DSCAML1: variants seen among roughly 807,000 people sequenced by gnomAD.
DSCAML1 encodes DS cell adhesion molecule like 1.
Under a neutral mutation model 200.5 loss-of-function variants are expected in DSCAML1, and 38 were observed. The ratio of observed to expected loss-of-function variants is 0.19; its 90% CI spans 0.15 to 0.25. The LOEUF (loss-of-function observed/expected upper bound fraction) is 0.25, where lower values mean the gene tolerates loss of function less well. DSCAML1 is among the 10% of genes least tolerant of loss of function. The pLI is 1.00. For missense variants in DSCAML1, 2,223 were observed against 2,858.8 expected (o/e 0.78, Z 5.07); for synonymous variants, 1,215 against 1,165.0 (o/e 1.04, Z -0.87).
chr11:117,717,253 G>A (rs1022596039), intron 3 of DSCAML1, among the ~76,000 whole-genome samples: 3 of 151,960 alleles, frequency 2.0e-5, no homozygotes, highest in Admixed American at 6.6e-5. Context: ...CCACCCTACC[G>A]GTCCCCTCCC....
Position 117,521,487 on chromosome 11 carries a change from TG to T in DSCAML1, c.938-83del, listed in dbSNP as rs2049886825. The stretch of plus-strand genomic sequence containing the variant: ...GGGCTTACTGTGAGTGGAGTGTAGC[TG>T]GGGGTAGTTAGGGGTCACAAAAGGC... On this transcript the variant is annotated intron_variant, in intron 5 of 32. Coordinates refer to ENST00000651296, the MANE Select transcript of DSCAML1 (RefSeq NM_020693.4). The T allele has an allele frequency of 4.8e-6, 7 of 1,465,634 alleles. No individual in the cohort carries two copies. In the South Asian group the frequency reaches 7.9e-5, roughly 17 times the overall value. 90.8% of individuals were successfully genotyped at this position (1,465,634 alleles called of 1,614,324 possible). A position where few individuals can be genotyped will look rare whatever the true frequency, so the allele number is the denominator to read the frequency against.
At position 117,797,172 on chromosome 11, in the gene DSCAML1, C is replaced by T. The variant is rs1364913991; in HGVS notation, c.-93G>A. 2 of 1,576,676 alleles carry T rather than the reference C, an allele frequency of 1.3e-6. No homozygotes were observed. The highest frequency in any genetic ancestry group is 1.8e-5 in the Admixed American group (1 of 55,680). On this transcript the variant is annotated 5_prime_UTR_variant, in exon 1 of 33. Transcript: ENST00000651296. The stretch of plus-strand genomic sequence containing the variant: ...CGCTCAGCGCGCTCCCAGCCGCCCG[C>T]ACTCGGCGCCCCGCTCTCTCTGCTC...
intron 3 of DSCAML1, among the ~76,000 whole-genome samples, chr11:117,745,707 A>T (rs903805159): frequency 6.6e-6 from 1 of 152,130 alleles, no homozygotes; most frequent in Non-Finnish European, 1.5e-5. Context: ...CTGCCTCGTT[A>T]TGCTACGTCA....
chr11:117,517,226 C>T (rs141997333), intron 7 of DSCAML1, among the ~76,000 whole-genome samples: 24 of 152,290 alleles, frequency 1.6e-4, no homozygotes, highest in African/African-American at 5.3e-4. Flanking sequence ...GGAAGGTCTT[C>T]GCCAGGTGAG....
chr11:117,811,625 A>G (rs916920753), intron 1 of DSCAML1, among the ~76,000 whole-genome samples: 1 of 152,194 alleles, frequency 6.6e-6, no homozygotes, highest in Admixed American at 6.5e-5. Flanking sequence ...GCCGTGTCCC[A>G]TCTGCGCGGG....
intron 3 of DSCAML1, among the ~76,000 whole-genome samples, chr11:117,766,177 G>A (rs866016262): frequency 3.3e-5 from 5 of 152,164 alleles, no homozygotes; most frequent in Admixed American, 1.3e-4. Context: ...GCACAGAACC[G>A]CAGCACCGTC....
At chr11:117,557,585 T>C (rs1176403992) in intron 3 of DSCAML1, among the ~76,000 whole-genome samples, 5 of 152,262 alleles carry the variant, frequency 3.3e-5, no homozygotes, top group African/African-American at 1.2e-4. Context: ...TTTCACTGTG[T>C]GCAATTTGCA....
intron 8 of DSCAML1, among the ~76,000 whole-genome samples, chr11:117,506,431 T>C (rs567233654): frequency 6.6e-6 from 1 of 152,078 alleles, no homozygotes; most frequent in African/African-American, 2.4e-5. Flanking sequence ...TCATAAGATA[T>C]GACCATGGGA....
intron 5 of DSCAML1, 125 bp downstream of exon 5, chr11:117,524,680 A>G (rs1305484578): frequency 4.1e-6 from 5 of 1,227,836 alleles, no homozygotes; most frequent in African/African-American, 3.1e-5. Flanking sequence ...TGCCTTCCCC[A>G]GTCAGCCAGG....
At chr11:117,699,852 T>C (rs185976255) in intron 3 of DSCAML1, among the ~76,000 whole-genome samples, 3 of 152,328 alleles carry the variant, frequency 2.0e-5, no homozygotes, top group East Asian at 3.9e-4. Context: ...ATGCTGGACA[T>C]ACACATACAC....
rs531712161 is a variant in DSCAML1 at position 117,464,819 on chromosome 11, C to A, written c.3265+123G>T. 23 of 1,444,624 alleles carry A rather than the reference C, an allele frequency of 1.6e-5. No homozygotes were observed. The East Asian group carries it at 5.5e-4, about 35-fold the overall frequency. 89.5% of individuals were successfully genotyped at this position (1,444,624 alleles called of 1,614,324 possible). On this transcript the variant is annotated intron_variant, in intron 17 of 32. Transcript: ENST00000651296. ...AGATGGCGGGGATGCAGGGAGCCTG[C>A]GTGGACCACAGGACCAAAATGGGGC...
At chr11:117,470,386 T>A (rs995512858) in intron 15 of DSCAML1, among the ~76,000 whole-genome samples, 1 of 151,980 alleles carries the variant, frequency 6.6e-6, no homozygotes, top group Non-Finnish European at 1.5e-5. Flanking sequence ...CCATCCTGGC[T>A]AACAGGGTGA....
At chr11:117,706,943 G>A (rs1156900019) in intron 3 of DSCAML1, among the ~76,000 whole-genome samples, 2 of 152,198 alleles carry the variant, frequency 1.3e-5, no homozygotes, top group Admixed American at 1.3e-4. Flanking sequence ...TTCCTAAGCA[G>A]CATCATGTGG....
intron 17 of DSCAML1, 141 bp downstream of exon 17, chr11:117,464,801 G>A (rs515871): frequency 0.071 from 90,999 of 1,285,194 alleles, 3,611 homozygotes; most frequent in Admixed American, 0.079. Flanking sequence ...AGGAGATGGC[G>A]GGGATGCAGG....
chr11:117,628,447 C>T (rs769879019), intron 3 of DSCAML1, among the ~76,000 whole-genome samples: 1 of 152,232 alleles, frequency 6.6e-6, no homozygotes, highest in Non-Finnish European at 1.5e-5. Flanking sequence ...CAGTTTCAGT[C>T]ACGTGCAAAA....
chr11:117,798,308 C>A (rs2055619907), upstream of DSCAML1, among the ~76,000 whole-genome samples: 1 of 152,198 alleles, frequency 6.6e-6, no homozygotes, highest in Non-Finnish European at 1.5e-5. Context: ...TGGCTAGCTG[C>A]ATTTGCCAGA....
chr11:117,797,333 C>T (rs1421255674), upstream of DSCAML1: 22 of 1,261,958 alleles, frequency 1.7e-5, 1 homozygote, highest in Admixed American at 8.1e-4. Context: ...CGCGCGAGCC[C>T]GGAGCCCAGA....
At chr11:117,515,179 T>C (rs2049734200) in intron 8 of DSCAML1, among the ~76,000 whole-genome samples, 1 of 152,228 alleles carries the variant, frequency 6.6e-6, no homozygotes, top group Non-Finnish European at 1.5e-5. Flanking sequence ...GAGGACAGCC[T>C]GTCCACTTAT....
intron 12 of DSCAML1, 127 bp from the exon 13 acceptor site, chr11:117,481,397 G>T: frequency 1.2e-6 from 1 of 863,678 alleles, no homozygotes; most frequent in Non-Finnish European, 1.9e-6. Flanking sequence ...GACCCACAGG[G>T]GCTTTGTCAA....
Sources: gnomAD v4.1 joint callset for allele counts (sites outside exome capture counted in the v4.1 genomes callset) on GRCh38, gnomAD v4.1.1 for gene constraint, MANE v1.5 for transcripts, NCBI Gene and HGNC (gene_info 2026-07-23, HGNC 2026-07-21) for gene names.